RARB: variants seen among roughly 807,000 people sequenced by gnomAD.
RARB encodes the protein HBV-activated protein.
Under a neutral mutation model 51.9 loss-of-function variants are expected in RARB, and 17 were observed. The observed-to-expected ratio is 0.33, with a 90% CI of 0.22 to 0.49. RARB has a LOEUF of 0.49. Among genes scored for constraint, RARB ranks in the 20% least tolerant of loss-of-function variants. The probability of loss-of-function intolerance (pLI) is 0.99; values close to 1 mark genes in which losing one functional copy is unlikely to be tolerated. For synonymous variants in RARB, 215 were observed against 195.4 expected (o/e 1.10, Z -0.84); for missense variants, 369 against 550.8 (o/e 0.67, Z 3.30).
chr3:25,144,617 G>A (rs1700158548), intron 4 of RARB, among the ~76,000 whole-genome samples: 1 of 152,192 alleles, frequency 6.6e-6, no homozygotes, highest in African/African-American at 2.4e-5. Context: ...TTGGCATAGT[G>A]CCAGGTGCTT....
chr3:25,302,992 G>C (rs1575296551), intron 5 of RARB, among the ~76,000 whole-genome samples: 2 of 152,104 alleles, frequency 1.3e-5, no homozygotes, highest in South Asian at 4.2e-4. Context: ...TTCTAAGGGG[G>C]CTAGACTAGA....
intron 5 of RARB, among the ~76,000 whole-genome samples, chr3:25,197,345 T>C (rs1701269874): frequency 6.6e-6 from 1 of 152,172 alleles, no homozygotes; most frequent in African/African-American, 2.4e-5. Context: ...TTTCTTGTTT[T>C]TGTCAGGTTT....
chr3:25,194,878 A>T (rs115998874), intron 5 of RARB, among the ~76,000 whole-genome samples: 1 of 151,960 alleles, frequency 6.6e-6, no homozygotes, highest in African/African-American at 2.4e-5. Flanking sequence ...ACATTCAGTG[A>T]CATTCTCTTC....
At chr3:25,063,460 A>G (rs1461264212) in intron 3 of RARB, among the ~76,000 whole-genome samples, 1 of 152,048 alleles carries the variant, frequency 6.6e-6, no homozygotes, top group African/African-American at 2.4e-5. Context: ...TTCTATTTGA[A>G]GTAAGTGAAG....
chr3:25,277,966 C>G (rs1703433369), intron 5 of RARB, among the ~76,000 whole-genome samples: 1 of 152,178 alleles, frequency 6.6e-6, no homozygotes, highest in Admixed American at 6.5e-5. Flanking sequence ...ACAATATTTT[C>G]TCTCTTGTGT....
At chr3:25,259,777 C>T (rs1009038955) in intron 5 of RARB, among the ~76,000 whole-genome samples, 3 of 151,966 alleles carry the variant, frequency 2.0e-5, no homozygotes, top group Non-Finnish European at 4.4e-5. Flanking sequence ...TCAGCAAAAC[C>T]CATTTTATTT....
chr3:25,067,559 C>T (rs1559453972), intron 3 of RARB, among the ~76,000 whole-genome samples: 1 of 152,052 alleles, frequency 6.6e-6, no homozygotes, highest in Non-Finnish European at 1.5e-5. Context: ...CTGATGTTTC[C>T]ATTGCTTAAA....
intron 3 of RARB, among the ~76,000 whole-genome samples, chr3:25,538,765 A>T (rs886147474): frequency 2.6e-5 from 4 of 152,260 alleles, no homozygotes; most frequent in Admixed American, 6.5e-5. Context: ...ATTGTATAAT[A>T]TACATCATTT....
chr3:25,408,375 A>G (rs894136337), intron 5 of RARB, among the ~76,000 whole-genome samples: 8 of 152,174 alleles, frequency 5.3e-5, no homozygotes, highest in Admixed American at 3.3e-4. Context: ...ACATCTTCCT[A>G]TGGCCAAGCA....
intron 5 of RARB, among the ~76,000 whole-genome samples, chr3:25,317,399 G>A (rs1575307432): frequency 6.6e-6 from 1 of 152,118 alleles, no homozygotes; most frequent in African/African-American, 2.4e-5. Flanking sequence ...GCCAGTTCTG[G>A]GTCATGCTAT....
intron 5 of RARB, among the ~76,000 whole-genome samples, chr3:25,291,946 C>G (rs1459021781): frequency 6.6e-6 from 1 of 152,100 alleles, no homozygotes; most frequent in Non-Finnish European, 1.5e-5. Flanking sequence ...CTTTCCCTCT[C>G]TTATGGGGAT....
intron 1 of RARB, among the ~76,000 whole-genome samples, chr3:24,852,802 TC>T: frequency 6.6e-6 from 1 of 152,152 alleles, no homozygotes; most frequent in East Asian, 1.9e-4. Context: ...AAAAGGCAAA[TC>T]TACAGATAGA....
intron 3 of RARB, among the ~76,000 whole-genome samples, chr3:25,077,105 C>A (rs551002186): frequency 6.6e-6 from 1 of 152,212 alleles, no homozygotes; most frequent in Non-Finnish European, 1.5e-5. Context: ...TGGTCCTCCC[C>A]ATATGGTCAA....
chr3:25,543,989 C>T (rs1699500289), intron 3 of RARB, among the ~76,000 whole-genome samples: 1 of 152,072 alleles, frequency 6.6e-6, no homozygotes, highest in African/African-American at 2.4e-5. Context: ...ATGTTCATTG[C>T]AGCATTATTT....
At chr3:25,003,646 T>G (rs571574843) in intron 2 of RARB, among the ~76,000 whole-genome samples, 47 of 152,272 alleles carry the variant, frequency 3.1e-4, no homozygotes, top group African/African-American at 1.0e-3. Flanking sequence ...ACAAAGATCT[T>G]GCCTTCAAGG....
chr3:25,334,615 A>G (rs1449772140), intron 5 of RARB, among the ~76,000 whole-genome samples: 1 of 152,206 alleles, frequency 6.6e-6, no homozygotes, highest in Non-Finnish European at 1.5e-5. Context: ...CCAACGTGGC[A>G]CATGTATACA....
intron 2 of RARB, among the ~76,000 whole-genome samples, chr3:24,889,723 T>C (rs1308659256): frequency 1.4e-5 from 2 of 146,744 alleles, no homozygotes; most frequent in Non-Finnish European, 3.0e-5. Flanking sequence ...TTTAAAGGTA[T>C]CTGCAGTAAG....
chr3:24,829,919 A>T (rs1458401360), intron 1 of RARB, among the ~76,000 whole-genome samples: 2 of 152,138 alleles, frequency 1.3e-5, no homozygotes, highest in Non-Finnish European at 2.9e-5. Context: ...CCCTGTGGGG[A>T]TCTAAGCTCC....
intron 2 of RARB, among the ~76,000 whole-genome samples, chr3:25,049,470 C>T (rs191297628): frequency 6.6e-6 from 1 of 152,258 alleles, no homozygotes; most frequent in East Asian, 1.9e-4. Context: ...TTTGACTATT[C>T]TTTTTCCAGT....
Sources: allele counts gnomAD v4.1 joint callset (sites outside exome capture counted in the v4.1 genomes callset), GRCh38; gene constraint gnomAD v4.1.1; transcripts MANE v1.5; gene names NCBI Gene and HGNC (gene_info 2026-07-23, HGNC 2026-07-21).